Variants in TRAIP observed in about 807,000 individuals in gnomAD.
TRAIP encodes TRAF interacting protein.
A neutral mutation model predicts 65.0 loss-of-function variants in TRAIP; 37 were observed. The ratio of observed to expected loss-of-function variants is 0.57; its 90% CI spans 0.44 to 0.75. The LOEUF (loss-of-function observed/expected upper bound fraction) is 0.75. TRAIP is among the 30% of genes least tolerant of loss of function. TRAIP has a pLI of 0.00. For synonymous variants in TRAIP, 187 were observed against 219.1 expected (o/e 0.85, Z 1.29); for missense variants, 481 against 579.4 (o/e 0.83, Z 1.74).
intron 3 of TRAIP, 69 bp from the exon 4 acceptor site, chr3:49,844,649 G>A: frequency 6.3e-7 from 1 of 1,584,356 alleles, no homozygotes; most frequent in Non-Finnish European, 8.6e-7. Flanking sequence ...TCTCCCATAA[G>A]GCTGTGGGGA....
rs547826694 is a variant in TRAIP, at chr3:49,854,884, C to G, written c.98+1472G>C. Among the ~76,000 whole-genome samples, 131 of 151,462 alleles carry G rather than the reference C, an allele frequency of 8.6e-4. 1 individual carries two copies. Among genetic ancestry groups the G allele is most frequent in the African/African-American group, 2.7e-3 (112 of 41,258 alleles). On this transcript the variant is annotated intron_variant, in intron 1 of 14. Transcript: ENST00000331456. ...CCAGCCTGGGCAACATAGCAAGACC[C>G]CATCTCTACTAAAAATACAAAAAAA... is the stretch of plus-strand genomic sequence containing the variant.
In TRAIP at chr3:49,842,545, CT is replaced by C. The variant is rs1559449184; in HGVS notation, c.410del (p.Lys137SerfsTer3). 11 of 1,613,468 alleles carry C rather than the reference CT, an allele frequency of 6.8e-6. No individual in the cohort carries two copies. In the Admixed American group the frequency reaches 1.3e-4, roughly 20 times the overall value. On this transcript the variant is annotated frameshift_variant and splice_region_variant, in exon 6 of 15. Coordinates refer to ENST00000331456, the MANE Select transcript of TRAIP (RefSeq NM_005879.3). LOFTEE classifies it high-confidence loss of function. ...KAEMLCSTLKKQMKYLEQQQD... is the reference protein window; with the variant it reads ...KAEMLCSTLKXQMKYLEQQQD... ...GCTGCTGCTCTAAGTACTTCATCTGCTTCTGAAGAGCAAATACACCCATACC... is the reference window on the plus strand; with the variant it reads ...GCTGCTGCTCTAAGTACTTCATCTGCTCTGAAGAGCAAATACACCCATACC...
intron 10 of TRAIP, among the ~76,000 whole-genome samples, chr3:49,834,706 C>T (rs2081765499): frequency 6.6e-6 from 1 of 152,204 alleles, no homozygotes; most frequent in East Asian, 1.9e-4. Flanking sequence ...GCAGTCTGCA[C>T]ATCCCCCCCA....
At chr3:49,853,867 C>A (rs2081952877) in intron 1 of TRAIP, among the ~76,000 whole-genome samples, 1 of 151,520 alleles carries the variant, frequency 6.6e-6, no homozygotes. Flanking sequence ...TTAGGCAAGA[C>A]AGACTTTGAA....
chr3:49,850,780 G>A (rs534084530), intron 1 of TRAIP, among the ~76,000 whole-genome samples: 1 of 144,518 alleles, frequency 6.9e-6, no homozygotes, highest in East Asian at 2.1e-4. Context: ...TCAGCCTCCC[G>A]AGTAGCTGGG....
chr3:49,842,868 G>A (rs2081850552), intron 5 of TRAIP, among the ~76,000 whole-genome samples: 1 of 152,172 alleles, frequency 6.6e-6, no homozygotes, highest in Non-Finnish European at 1.5e-5. Flanking sequence ...GGGCCTCATG[G>A]TACATGTTGT....
At chr3:49,853,326 C>T (rs1011229712) in intron 1 of TRAIP, among the ~76,000 whole-genome samples, 6 of 151,970 alleles carry the variant, frequency 3.9e-5, no homozygotes, top group Admixed American at 1.3e-4. Context: ...GGATAAGGGC[C>T]GAGTGTGGTG....
In TRAIP at chr3:49,840,458, A is replaced by G; in HGVS notation, c.706-85T>C. 8 of 1,147,424 alleles carry G rather than the reference A, an allele frequency of 7.0e-6. No individual in the cohort carries two copies. In the South Asian group the frequency reaches 1.0e-4, roughly 14 times the overall value. The allele number at this position is 1,147,424 out of a possible 1,614,324, so 71.1% of individuals were successfully genotyped here. A position where few individuals can be genotyped will look rare whatever the true frequency, so the allele number is the denominator to read the frequency against. ...TCCTGCTGCTCCCCAGGGAGTGATC[A>G]AGGTAGCCCAGAAGAGACTAGAGAT... is the stretch of plus-strand genomic sequence containing the variant. On this transcript the variant is annotated intron_variant, in intron 8 of 14. Coordinates refer to ENST00000331456, the MANE Select transcript of TRAIP (RefSeq NM_005879.3).
In TRAIP at chr3:49,830,066, G is replaced by A; in HGVS notation, c.1040C>T (p.Ser347Phe). Reference protein sequence around the residue: ...YEKLCLEKSHSPIQDVPKKIC... With the variant: ...YEKLCLEKSHFPIQDVPKKIC... The stretch of plus-strand genomic sequence containing the variant: ...CTTCTTGGGGACATCCTGAATTGGG[G>A]AGCTACAAGAATGAGAGAGAAGGCA... The change falls in exon 12 of 15, where the codon TCC (serine) becomes TTC (phenylalanine). Residue 347 changes from serine to phenylalanine, a missense_variant and splice_region_variant. Ser to Phe is a radical substitution (Grantham distance 155). Transcript: ENST00000331456. 1.2e-6 allele frequency: 2 copies of A among 1,614,140 alleles called. No homozygotes were observed.
Position 49,832,031 on chromosome 3 carries a change from G to T in TRAIP, c.922C>A (p.Pro308Thr). 2 of 1,603,156 alleles carry T rather than the reference G, an allele frequency of 1.2e-6. No individual in the cohort carries two copies. The change falls in exon 11 of 15, where the codon CCA (proline) becomes ACA (threonine). Residue 308 changes from proline (P) to threonine (T), a missense_variant. Transcript: ENST00000331456. ...AGATCAATATCATCACGGAAGGATGGCCGGCGGAGCTTCAGATTCACCTCC... is the reference window on the plus strand; with the variant it reads ...AGATCAATATCATCACGGAAGGATGTCCGGCGGAGCTTCAGATTCACCTCC... ...PVEVNLKLRR[P>T]SFRDDIDLNA...
At chr3:49,848,103 G>T in intron 2 of TRAIP, 40 bp downstream of exon 2, 1 of 1,607,856 alleles carries the variant, frequency 6.2e-7, no homozygotes. Context: ...CTGCTAAGGA[G>T]ATCTCTTCAG....
chr3:49,843,942 A>G lies in TRAIP; in HGVS notation c.281-14T>C. 1.2e-6 allele frequency: 2 copies of G among 1,600,296 alleles called. No individual in the cohort carries two copies. Among genetic ancestry groups the G allele is most frequent in the South Asian group, 1.1e-5 (1 of 90,610 alleles). On this transcript the variant is annotated splice_polypyrimidine_tract_variant and intron_variant, in intron 4 of 14. Coordinates refer to ENST00000331456, the MANE Select transcript of TRAIP (RefSeq NM_005879.3). ...GTTTCTCCTTGTCTGGAGCAGGGGT[A>G]GAGGGCGGAGGAAAGGGAAAGGCCT...
intron 10 of TRAIP, among the ~76,000 whole-genome samples, chr3:49,833,701 G>A (rs533899871): frequency 3.9e-5 from 6 of 152,192 alleles, no homozygotes; most frequent in African/African-American, 1.4e-4. Flanking sequence ...GGATGGTCTC[G>A]CTCTCCTGAC....
chr3:49,848,033 G>A, intron 2 of TRAIP, 110 bp downstream of exon 2: 1 of 1,262,594 alleles, frequency 7.9e-7, no homozygotes, highest in Non-Finnish European at 1.1e-6. Context: ...CTTAAACCAG[G>A]AGGGTCCAAA....
chr3:49,836,529 A>AAAAGC (rs140857495), intron 10 of TRAIP, among the ~76,000 whole-genome samples: 2,542 of 152,000 alleles, frequency 0.017, 60 homozygotes, highest in African/African-American at 0.05. Context: ...AAGAAAAAGA[A>AAAAGC]AAAGCAAAGC....
intron 10 of TRAIP, among the ~76,000 whole-genome samples, chr3:49,833,371 GGTCATCCACAAC>G (rs575780984): frequency 9.9e-4 from 150 of 152,222 alleles, no homozygotes; most frequent in Non-Finnish European, 1.9e-3. Flanking sequence ...TGCACCTCCT[GGTCATCCACAAC>G]ACTAAACTCA....
At chr3:49,853,712 T>G (rs1223252314) in intron 1 of TRAIP, among the ~76,000 whole-genome samples, 1 of 151,774 alleles carries the variant, frequency 6.6e-6, no homozygotes, top group Admixed American at 6.6e-5. Flanking sequence ...CCAGGCACAG[T>G]GGTGTGTGCC....
intron 6 of TRAIP, 121 bp downstream of exon 6, chr3:49,842,332 G>T: frequency 1.1e-6 from 1 of 948,888 alleles, no homozygotes; most frequent in Non-Finnish European, 1.7e-6. Flanking sequence ...GCCCTCCATG[G>T]CCTATGGAGA....
At chr3:49,831,825 C>G in intron 11 of TRAIP, 91 bp downstream of exon 11, 1 of 1,371,910 alleles carries the variant, frequency 7.3e-7, no homozygotes, top group Non-Finnish European at 9.5e-7. Context: ...ACTGCCCCAT[C>G]AGCCACTCAG....
Sources: allele counts gnomAD v4.1 joint callset (sites outside exome capture counted in the v4.1 genomes callset), GRCh38; gene constraint gnomAD v4.1.1; transcripts MANE v1.5; gene names NCBI Gene and HGNC (gene_info 2026-07-23, HGNC 2026-07-21).